HSD17B12: variants seen among roughly 807,000 people sequenced by gnomAD.
The protein encoded by HSD17B12 is hydroxysteroid 17-beta dehydrogenase 12, also known as very-long-chain 3-oxoacyl-CoA reductase.
HSD17B12 carries 32 observed loss-of-function variants against 39.3 expected under a neutral mutation model. The ratio of observed to expected loss-of-function variants is 0.81; its 90% CI spans 0.61 to 1.09. The LOEUF is 1.09. HSD17B12 is among the 50% of genes least tolerant of loss of function. The pLI is 0.00. For missense variants in HSD17B12, 342 were observed against 382.9 expected, an observed-to-expected ratio of 0.89 and a Z score of 0.89; for synonymous variants, 150 against 146.7, an observed-to-expected ratio of 1.02 and a Z score of -0.16.
chr11:43,718,655 C>T, intron 1 of HSD17B12: 3 of 703,544 alleles, frequency 4.3e-6, no homozygotes, highest in Non-Finnish European at 4.9e-6. Flanking sequence ...AAAAATATAC[C>T]TTGAATAGCC....
the HSD17B12 span, among the ~76,000 whole-genome samples, chr11:43,590,261 GACCGCATA>G: frequency 0.055 from 8,294 of 151,742 alleles, 386 homozygotes; most frequent in Non-Finnish European, 0.079. Flanking sequence ...AATCAATGAT[GACCGCATA>G]AGGGGAACTC....
At chr11:43,610,875 G>A in the HSD17B12 span, among the ~76,000 whole-genome samples, 1 of 152,104 alleles carries the variant, frequency 6.6e-6, no homozygotes, top group African/African-American at 2.4e-5. Flanking sequence ...AATACCCAGG[G>A]AATATATCAG....
chr11:43,749,775 G>T (rs371644687), intron 1 of HSD17B12, among the ~76,000 whole-genome samples: 4 of 151,908 alleles, frequency 2.6e-5, no homozygotes, highest in African/African-American at 9.7e-5. Flanking sequence ...GGACCATCTT[G>T]TATAATTGGA....
intron 3 of HSD17B12, among the ~76,000 whole-genome samples, chr11:43,768,414 G>A (rs1950616922): frequency 6.6e-6 from 1 of 152,210 alleles, no homozygotes; most frequent in African/African-American, 2.4e-5. Flanking sequence ...GAGCACAGTA[G>A]CACAATCTTG....
In HSD17B12 at chr11:43,767,189, T is replaced by C. The variant is rs947852614; in HGVS notation, c.283+13068T>C. On this transcript the variant is annotated intron_variant, in intron 3 of 10. Transcript: ENST00000278353. ...TCTTTCCAATTGGATTATTGATGGT[T>C]CAGTGACTTTTGTGTAAAAAAAAAA... is the stretch of plus-strand genomic sequence containing the variant. Among the ~76,000 whole-genome samples the C allele has an allele frequency of 2.0e-5, 3 of 150,464 alleles. No individual in the cohort carries two copies. In the South Asian group the frequency reaches 6.4e-4, roughly 32 times the overall value.
chr11:43,722,672 C>A (rs1950186207), intron 1 of HSD17B12, among the ~76,000 whole-genome samples: 2 of 152,032 alleles, frequency 1.3e-5, no homozygotes, highest in South Asian at 2.1e-4. Flanking sequence ...CATGGTGAAA[C>A]CCCATCTCTA....
At chr11:43,803,628 AAGC>A (rs1950991418) in intron 4 of HSD17B12, among the ~76,000 whole-genome samples, 1 of 152,230 alleles carries the variant, frequency 6.6e-6, no homozygotes. Context: ...GAAAATGCTA[AAGC>A]CCTTAGTCAT....
the HSD17B12 span, among the ~76,000 whole-genome samples, chr11:43,582,239 G>A: frequency 6.6e-6 from 1 of 152,214 alleles, no homozygotes; most frequent in African/African-American, 2.4e-5. Flanking sequence ...GGAGAGATGC[G>A]GTTGTGCCCG....
intron 9 of HSD17B12, among the ~76,000 whole-genome samples, chr11:43,845,925 A>C (rs1170047594): frequency 6.6e-6 from 1 of 152,246 alleles, no homozygotes; most frequent in African/African-American, 2.4e-5. Context: ...TTGATGCTAA[A>C]GAATTCCTGA....
At chr11:43,612,045 A>G in the HSD17B12 span, among the ~76,000 whole-genome samples, 1 of 152,192 alleles carries the variant, frequency 6.6e-6, no homozygotes, top group Non-Finnish European at 1.5e-5. Context: ...AAGAAATTCC[A>G]AACATTCTTT....
intron 1 of HSD17B12, among the ~76,000 whole-genome samples, chr11:43,712,199 C>T (rs1050388847): frequency 5.3e-5 from 8 of 151,942 alleles, no homozygotes; most frequent in East Asian, 1.9e-4. Flanking sequence ...GAGGCGGAGG[C>T]GGGCAGATCA....
At chr11:43,613,398 A>AAAAACAAC in the HSD17B12 span, among the ~76,000 whole-genome samples, 27 of 151,854 alleles carry the variant, frequency 1.8e-4, no homozygotes, top group Middle Eastern at 3.4e-3. Flanking sequence ...TCTCAAAAAA[A>AAAAACAAC]AAAACAACAA....
intron 1 of HSD17B12, chr11:43,733,760 TG>T (rs1352504948): frequency 1.5e-6 from 1 of 656,832 alleles, no homozygotes; most frequent in East Asian, 3.7e-5. Flanking sequence ...GAAGAAAACT[TG>T]GCTGCCAAAG....
chr11:43,731,917 C>T (rs1349233089), intron 1 of HSD17B12, among the ~76,000 whole-genome samples: 4 of 152,128 alleles, frequency 2.6e-5, no homozygotes, highest in Non-Finnish European at 4.4e-5. Context: ...CTTCTGACAT[C>T]AAAAGATGAA....
At chr11:43,583,086 A>C in the HSD17B12 span, among the ~76,000 whole-genome samples, 1 of 152,148 alleles carries the variant, frequency 6.6e-6, no homozygotes, top group Non-Finnish European at 1.5e-5. Flanking sequence ...TGCTTCTTAC[A>C]TACCCCTCCT....
intron 4 of HSD17B12, among the ~76,000 whole-genome samples, chr11:43,799,765 A>C (rs1038124914): frequency 1.3e-5 from 2 of 152,196 alleles, no homozygotes; most frequent in African/African-American, 2.4e-5. Context: ...CTCATCCTAT[A>C]AAAGAATGGT....
chr11:43,755,212 A>G (rs1950498258), intron 3 of HSD17B12: 2 of 207,366 alleles, frequency 9.6e-6, no homozygotes, highest in Admixed American at 5.8e-5. Flanking sequence ...GCTCTAAAAA[A>G]AGTGAGTAAA....
At chr11:43,564,356 A>T in the HSD17B12 span, among the ~76,000 whole-genome samples, 1 of 152,186 alleles carries the variant, frequency 6.6e-6, no homozygotes. Context: ...GCTTCTACAT[A>T]CTTCTCTATA....
chr11:43,847,649 G>A (rs1951489383), intron 9 of HSD17B12, among the ~76,000 whole-genome samples: 1 of 148,250 alleles, frequency 6.7e-6, no homozygotes, highest in South Asian at 2.1e-4. Context: ...TGAAGGTGCA[G>A]TGAGCTGTGA....
Sources: allele counts gnomAD v4.1 joint callset (sites outside exome capture counted in the v4.1 genomes callset), GRCh38; gene constraint gnomAD v4.1.1; transcripts MANE v1.5; gene names NCBI Gene and HGNC (gene_info 2026-07-23, HGNC 2026-07-21).